The following TMIGD3 variants were observed in gnomAD, a reference collection of about 807,000 sequenced individuals.
The protein encoded by TMIGD3 is transmembrane and immunoglobulin domain containing 3, also known as AD026 protein (AD026).
Under a neutral mutation model 28.1 loss-of-function variants are expected in TMIGD3, and 21 were observed. The ratio of observed to expected loss-of-function variants is 0.75; its 90% confidence interval spans 0.53 to 1.08. TMIGD3 has a LOEUF of 1.08. TMIGD3 is among the 50% of genes least tolerant of loss of function. The pLI, the probability that TMIGD3 is intolerant of heterozygous loss-of-function variation, is 0.00. For missense variants in TMIGD3, 416 were observed against 435.6 expected (o/e 0.96, Z 0.40); for synonymous variants, 151 against 162.1 (o/e 0.93, Z 0.52).
chr1:111,500,574 G>A, intron 1 of TMIGD3: 1 of 1,610,970 alleles, frequency 6.2e-7, no homozygotes, highest in Non-Finnish European at 8.5e-7. Flanking sequence ...AATGAAGAGA[G>A]TCAGTGAGTC....
chr1:111,502,161 T>C, intron 1 of TMIGD3, among the ~76,000 whole-genome samples: 1 of 71,966 alleles, frequency 1.4e-5, no homozygotes, highest in Non-Finnish European at 2.6e-5. Context: ...ATAGGATATA[T>C]ATTTATTATA....
chr1:111,485,726 C>CAAAAACAAAAA lies in TMIGD3; in HGVS notation c.973+13_973+14insTTTTTGTTTTT. ...AATTCTTGCCCACCCCCTCCCTCAACAATAGCTACTTACCCCTTCTATTCC... is the reference window on the plus strand; with the variant it reads ...AATTCTTGCCCACCCCCTCCCTCAACAAAAACAAAAAAATAGCTACTTACCCCTTCTATTCC... On this transcript the variant is annotated intron_variant, in intron 5 of 5. Coordinates refer to ENST00000369716, the MANE Select transcript of TMIGD3 (RefSeq NM_020683.7). The CAAAAACAAAAA allele has an allele frequency of 1.2e-6, 1 of 850,656 alleles. No individual in the cohort carries two copies. The highest frequency in any genetic ancestry group is 1.9e-6 in the Non-Finnish European group (1 of 522,906). The allele number at this position is 850,656 out of a possible 1,614,324, so 52.7% of individuals were successfully genotyped here. A position where few individuals can be genotyped will look rare whatever the true frequency, so the allele number is the denominator to read the frequency against.
chr1:111,509,522 G>A (rs562302284), intron 1 of TMIGD3, among the ~76,000 whole-genome samples: 51 of 152,292 alleles, frequency 3.3e-4, no homozygotes, highest in South Asian at 8.3e-4. Context: ...ACACCGGGAG[G>A]CGTAGGAATG....
intron 1 of TMIGD3, among the ~76,000 whole-genome samples, chr1:111,519,032 G>A (rs563587074): frequency 7.2e-5 from 11 of 152,222 alleles, no homozygotes; most frequent in East Asian, 1.9e-4. Flanking sequence ...TCTGCCTCCC[G>A]GGTTCAAGCG....
At chr1:111,494,310 A>T (rs1654793175) in intron 1 of TMIGD3, among the ~76,000 whole-genome samples, 1 of 152,122 alleles carries the variant, frequency 6.6e-6, no homozygotes, top group Non-Finnish European at 1.5e-5. Flanking sequence ...TATCAAGAAA[A>T]CCCCATAGTC....
intron 1 of TMIGD3, chr1:111,500,072 G>T (rs1246928413): frequency 6.2e-6 from 10 of 1,614,066 alleles, no homozygotes; most frequent in Non-Finnish European, 5.9e-6. Flanking sequence ...TAGACGATAG[G>T]GTTCATCATG....
chr1:111,531,517 A>G (rs956090468), intron 1 of TMIGD3, among the ~76,000 whole-genome samples: 1 of 152,134 alleles, frequency 6.6e-6, no homozygotes, highest in Non-Finnish European at 1.5e-5. Flanking sequence ...CATAAAATAC[A>G]TAACTACTAC....
At chr1:111,496,459 A>T (rs772270713) in intron 1 of TMIGD3, among the ~76,000 whole-genome samples, 1 of 152,194 alleles carries the variant, frequency 6.6e-6, no homozygotes, top group Non-Finnish European at 1.5e-5. Context: ...TTGGATTCCT[A>T]CATAAAGCAA....
In TMIGD3 at chr1:111,503,283, G is replaced by C; in HGVS notation, c.72C>G (p.Leu24=). ...CCAGCACGTTGCCCACTATGGCGCAGAGTCCAATGAAAATTTCCATGGTGA... is the reference window on the plus strand; with the variant it reads ...CCAGCACGTTGCCCACTATGGCGCACAGTCCAATGAAAATTTCCATGGTGA... ...TYITMEIFIG[L]CAIVGNVLVI... is the part of the protein sequence containing the mutation. Residue 24 remains leucine (L), a synonymous_variant, in exon 1 of 6, where the codon CTC becomes CTG. Coordinates refer to ENST00000369716, the MANE Select transcript of TMIGD3 (RefSeq NM_020683.7). 1 of 1,614,226 alleles carries C rather than the reference G, an allele frequency of 6.2e-7. No individual in the cohort carries two copies. Among genetic ancestry groups the C allele is most frequent in the South Asian group, 1.1e-5 (1 of 91,074 alleles).
At chr1:111,515,151 C>T (rs775989239) in intron 1 of TMIGD3, among the ~76,000 whole-genome samples, 3 of 152,194 alleles carry the variant, frequency 2.0e-5, no homozygotes, top group Non-Finnish European at 4.4e-5. Flanking sequence ...AACAGAAAGA[C>T]AGCCCTTGGT....
chr1:111,486,476 G>T, intron 4 of TMIGD3, 110 bp downstream of exon 4: 1 of 760,138 alleles, frequency 1.3e-6, no homozygotes. Context: ...ATAATGTGCA[G>T]TAGAAAAGTT....
intron 1 of TMIGD3, chr1:111,500,501 G>T (rs892388188): frequency 3.1e-6 from 5 of 1,614,106 alleles, no homozygotes; most frequent in Non-Finnish European, 4.2e-6. Flanking sequence ...AATGACACCA[G>T]CCAGCAAAGG....
At chr1:111,518,785 C>G (rs865835238) in intron 1 of TMIGD3, among the ~76,000 whole-genome samples, 4 of 152,322 alleles carry the variant, frequency 2.6e-5, no homozygotes, top group Middle Eastern at 3.4e-3. Context: ...TTCTGATTCT[C>G]CTATGCCAAT....
At chr1:111,486,160 T>C (rs769616047) in intron 4 of TMIGD3, among the ~76,000 whole-genome samples, 1 of 152,004 alleles carries the variant, frequency 6.6e-6, no homozygotes, top group Non-Finnish European at 1.5e-5. Context: ...AATGGATGAC[T>C]ATTAGGGGAA....
At chr1:111,504,756 G>A (rs1008313296), upstream of TMIGD3, 4 of 560,514 alleles carry the variant, frequency 7.1e-6, no homozygotes, top group African/African-American at 4.1e-5. Context: ...CTCTGCCTGG[G>A]GCTCATCAGG....
chr1:111,556,489 G>A (rs1657497612), intron 1 of TMIGD3, among the ~76,000 whole-genome samples: 1 of 152,156 alleles, frequency 6.6e-6, no homozygotes, highest in Admixed American at 6.5e-5. Context: ...GCCATAGGGT[G>A]GAGGCAACCC....
intron 1 of TMIGD3, among the ~76,000 whole-genome samples, chr1:111,524,333 TTTTC>T (rs772125739): frequency 6.6e-6 from 1 of 151,862 alleles, no homozygotes; most frequent in Non-Finnish European, 1.5e-5. Context: ...CCGGCCTTCT[TTTTC>T]TTTCTTATGG....
intron 3 of TMIGD3, among the ~76,000 whole-genome samples, chr1:111,487,365 C>G (rs1414456995): frequency 6.6e-6 from 1 of 152,214 alleles, no homozygotes; most frequent in Non-Finnish European, 1.5e-5. Context: ...TAGCAAAACT[C>G]TCTTTCTAGC....
chr1:111,526,411 C>T (rs1656262896), intron 1 of TMIGD3, among the ~76,000 whole-genome samples: 1 of 152,192 alleles, frequency 6.6e-6, no homozygotes, highest in Non-Finnish European at 1.5e-5. Flanking sequence ...TCATTCTTCT[C>T]TCTCCTGCTG....
Sources: gnomAD v4.1 joint callset for allele counts (sites outside exome capture counted in the v4.1 genomes callset) on GRCh38, gnomAD v4.1.1 for gene constraint, MANE v1.5 for transcripts, NCBI Gene and HGNC (gene_info 2026-07-23, HGNC 2026-07-21) for gene names.